Variants in RGS7 observed in about 807,000 individuals in gnomAD.
RGS7 encodes the protein regulator of G protein signaling 7.
A neutral mutation model predicts 81.1 loss-of-function variants in RGS7; 27 were observed. The ratio of observed to expected loss-of-function variants is 0.33; its 90% CI spans 0.25 to 0.46. RGS7 has a LOEUF of 0.46. RGS7 is among the 20% of genes least tolerant of loss of function. The pLI, the probability that RGS7 is intolerant of heterozygous loss-of-function variation, is 1.00. For missense variants in RGS7, 396 were observed against 607.4 expected, an observed-to-expected ratio of 0.65 and a Z score of 3.66; for synonymous variants, 208 against 207.7, an observed-to-expected ratio of 1.00 and a Z score of -0.01.
At chr1:240,910,947 C>T (rs1671650542) in intron 6 of RGS7, among the ~76,000 whole-genome samples, 1 of 152,078 alleles carries the variant, frequency 6.6e-6, no homozygotes, top group Non-Finnish European at 1.5e-5. Context: ...CAATGATCCA[C>T]CTGCCTCGGC....
intron 2 of RGS7, among the ~76,000 whole-genome samples, chr1:241,244,962 TG>T (rs1333207848): frequency 2.1e-5 from 1 of 47,480 alleles, no homozygotes; most frequent in African/African-American, 8.9e-5. Flanking sequence ...TGTTGTAGGT[TG>T]GGGGGAGGGG....
chr1:241,060,205 T>C (rs1447493317), intron 3 of RGS7, among the ~76,000 whole-genome samples: 1 of 152,178 alleles, frequency 6.6e-6, no homozygotes, highest in Non-Finnish European at 1.5e-5. Flanking sequence ...AGAGAAAATA[T>C]CTAACAACTA....
At chr1:241,251,655 G>A (rs2815880) in intron 2 of RGS7, among the ~76,000 whole-genome samples, 16 of 151,700 alleles carry the variant, frequency 1.1e-4, no homozygotes, top group African/African-American at 1.7e-4. Context: ...GATTACAAGC[G>A]CTTGCCACCA....
chr1:240,932,509 G>T (rs1428821556), intron 5 of RGS7, among the ~76,000 whole-genome samples: 1 of 19,948 alleles, frequency 5.0e-5, no homozygotes, highest in Non-Finnish European at 9.5e-5. Flanking sequence ...CATGTAGGGT[G>T]TCACTTTTTT....
At chr1:241,317,968 C>T in intron 2 of RGS7, among the ~76,000 whole-genome samples, 1 of 152,170 alleles carries the variant, frequency 6.6e-6, no homozygotes, top group East Asian at 1.9e-4. Flanking sequence ...TAAACAATAT[C>T]CTGTCTTGGG....
chr1:240,800,271 A>C (rs1385153511), intron 18 of RGS7, among the ~76,000 whole-genome samples: 1 of 152,072 alleles, frequency 6.6e-6, no homozygotes, highest in East Asian at 1.9e-4. Context: ...AATTTCATAA[A>C]ATTTATTTAC....
At chr1:240,847,988 A>G (rs785974) in intron 9 of RGS7, among the ~76,000 whole-genome samples, 122,250 of 152,106 alleles carry the variant, frequency 0.8, 49,558 homozygotes, top group African/African-American at 0.9. Flanking sequence ...AAAGCTTTAG[A>G]AAATAGTTTT....
chr1:241,008,457 G>A lies in RGS7; in HGVS notation c.176-25328C>T, dbSNP rs139714766. 3.3e-5 allele frequency among the ~76,000 whole-genome samples: 5 copies of A among 152,282 alleles called. No homozygotes were observed. In the East Asian group the frequency reaches 7.7e-4, roughly 24 times the overall value. On this transcript the variant is annotated intron_variant, in intron 3 of 18. Transcript: ENST00000440928. ...AGATTCTGCTTTTTAACAAGCTCCC[G>A]GGTAATGTTGCTGCTGCTGGTCCTC... is the stretch of plus-strand genomic sequence containing the variant.
chr1:241,093,826 G>A (rs1377865160), intron 3 of RGS7, among the ~76,000 whole-genome samples: 1 of 150,782 alleles, frequency 6.6e-6, no homozygotes, highest in Non-Finnish European at 1.5e-5. Flanking sequence ...CATTTTTCAT[G>A]TACACTCCTT....
chr1:241,186,861 G>A (rs1349643523), intron 2 of RGS7, among the ~76,000 whole-genome samples: 1 of 152,010 alleles, frequency 6.6e-6, no homozygotes, highest in Non-Finnish European at 1.5e-5. Context: ...CTAGCATATG[G>A]CTATGACAAT....
At chr1:241,022,345 T>A (rs1417397161) in intron 3 of RGS7, among the ~76,000 whole-genome samples, 1 of 152,168 alleles carries the variant, frequency 6.6e-6, no homozygotes, top group Non-Finnish European at 1.5e-5. Flanking sequence ...CTTTGAAACA[T>A]AAAATAACAG....
At chr1:241,011,208 C>A in intron 3 of RGS7, among the ~76,000 whole-genome samples, 1 of 152,152 alleles carries the variant, frequency 6.6e-6, no homozygotes, top group Middle Eastern at 3.2e-3. Flanking sequence ...GTTGCAATAT[C>A]CAACAAAATG....
chr1:241,031,395 G>A (rs2060078856), intron 3 of RGS7, among the ~76,000 whole-genome samples: 1 of 152,138 alleles, frequency 6.6e-6, no homozygotes, highest in South Asian at 2.1e-4. Flanking sequence ...TGCTTAGGTT[G>A]ATTACATATC....
intron 3 of RGS7, among the ~76,000 whole-genome samples, chr1:241,060,719 C>T (rs1238535096): frequency 6.6e-6 from 1 of 152,188 alleles, no homozygotes; most frequent in Non-Finnish European, 1.5e-5. Context: ...TGTCACTTAG[C>T]AGTATGATGC....
intron 3 of RGS7, among the ~76,000 whole-genome samples, chr1:241,077,609 C>T (rs1376546529): frequency 3.3e-5 from 5 of 152,142 alleles, no homozygotes; most frequent in Non-Finnish European, 7.3e-5. Context: ...CAGCGATAGT[C>T]ACACTTCTTC....
intron 4 of RGS7, among the ~76,000 whole-genome samples, chr1:240,961,231 A>T (rs1413200611): frequency 1.3e-5 from 2 of 152,232 alleles, no homozygotes; most frequent in Admixed American, 6.5e-5. Context: ...CATTTCCTTC[A>T]GCTAAAGATT....
intron 4 of RGS7, among the ~76,000 whole-genome samples, chr1:240,937,270 T>G (rs934144796): frequency 1.3e-5 from 2 of 152,190 alleles, no homozygotes; most frequent in South Asian, 2.1e-4. Flanking sequence ...TGGCCAGAAG[T>G]GCGAGTGGCA....
At chr1:241,217,630 T>TC (rs1328824251) in intron 2 of RGS7, among the ~76,000 whole-genome samples, 1 of 152,188 alleles carries the variant, frequency 6.6e-6, no homozygotes, top group Non-Finnish European at 1.5e-5. Context: ...TTTTAGACTT[T>TC]CCTTTTACCT....
At chr1:240,948,246 CTGTT>C (rs1678978974) in intron 4 of RGS7, among the ~76,000 whole-genome samples, 1 of 151,926 alleles carries the variant, frequency 6.6e-6, no homozygotes, top group Admixed American at 6.6e-5. Context: ...ACATTTTTGT[CTGTT>C]TGCTTGGTTG....
Sources: gnomAD v4.1 joint callset for allele counts (sites outside exome capture counted in the v4.1 genomes callset) on GRCh38, gnomAD v4.1.1 for gene constraint, MANE v1.5 for transcripts, NCBI Gene and HGNC (gene_info 2026-07-23, HGNC 2026-07-21) for gene names.